The following STK33 variants were observed in gnomAD, a reference collection of about 807,000 sequenced individuals.
STK33 encodes the protein serine/threonine-protein kinase 33.
Under a neutral mutation model 58.0 loss-of-function variants are expected in STK33, and 52 were observed. That is an observed-to-expected ratio of 0.90 (90% CI 0.72 to 1.13). The LOEUF is 1.13. STK33 is among the 50% of genes most tolerant of loss of function. The probability of loss-of-function intolerance (pLI) is 0.00; values close to 1 mark genes in which losing one functional copy is unlikely to be tolerated. For missense variants in STK33, 630 were observed against 604.2 expected (o/e 1.04, Z -0.45); for synonymous variants, 215 against 200.1 (o/e 1.07, Z -0.63).
At chr11:8,576,080 GCTGTGC>G (rs1304505944) in intron 1 of STK33, among the ~76,000 whole-genome samples, 1 of 152,234 alleles carries the variant, frequency 6.6e-6, no homozygotes, top group African/African-American at 2.4e-5. Context: ...TTTACAGGAT[GCTGTGC>G]CAGAGGGCAG....
At chr11:8,344,198 A>AAACACACACAC in the STK33 span, among the ~76,000 whole-genome samples, 1 of 137,118 alleles carries the variant, frequency 7.3e-6, no homozygotes, top group Non-Finnish European at 1.6e-5. Context: ...AAACAAACAA[A>AAACACACACAC]ACACACACAC....
rs1200422787 is a variant in STK33, at chr11:8,499,130, T to G, written c.-465-18516A>C. On this transcript the variant is annotated intron_variant, in intron 1 of 15. Coordinates refer to ENST00000687296, the MANE Select transcript of STK33 (RefSeq NM_001352389.2). ...TTCTGCACAGCAAAAGAAACTATCC[T>G]CAGAGTGAACAGGCAACCTACAGAA... Among the ~76,000 whole-genome samples, 5 of 152,208 alleles carry G rather than the reference T, an allele frequency of 3.3e-5. No individual in the cohort carries two copies. The East Asian group carries it at 7.7e-4, about 23-fold the overall frequency.
chr11:8,419,962 T>C (rs1258321525), intron 14 of STK33, among the ~76,000 whole-genome samples: 4 of 152,128 alleles, frequency 2.6e-5, no homozygotes, highest in Non-Finnish European at 5.9e-5. Flanking sequence ...AATTATTACC[T>C]TAATTTATTT....
intron 1 of STK33, among the ~76,000 whole-genome samples, chr11:8,524,191 G>A (rs1054576394): frequency 6.6e-6 from 1 of 152,018 alleles, no homozygotes; most frequent in African/African-American, 2.4e-5. Flanking sequence ...AAGGCCGCAG[G>A]GTCCTCTGCC....
intron 1 of STK33, among the ~76,000 whole-genome samples, chr11:8,573,803 G>GA (rs1957989094): frequency 6.6e-6 from 1 of 152,156 alleles, no homozygotes; most frequent in African/African-American, 2.4e-5. Context: ...TATGCTGAGT[G>GA]AAAAAAGCCA....
At chr11:8,473,864 C>T (rs766386192) in intron 5 of STK33, among the ~76,000 whole-genome samples, 1 of 152,288 alleles carries the variant, frequency 6.6e-6, no homozygotes, top group East Asian at 1.9e-4. Context: ...ATCTTACACA[C>T]TGCCTATTCT....
At chr11:8,570,708 C>T (rs958631779) in intron 1 of STK33, among the ~76,000 whole-genome samples, 1 of 151,930 alleles carries the variant, frequency 6.6e-6, no homozygotes, top group African/African-American at 2.4e-5. Flanking sequence ...AGAGGAGGGC[C>T]GAGAGAGGCA....
the STK33 span, among the ~76,000 whole-genome samples, chr11:8,370,974 G>A: frequency 3.3e-5 from 5 of 152,154 alleles, no homozygotes; most frequent in East Asian, 5.8e-4. Context: ...TGGAAGGAGC[G>A]GGGCTGTTTG....
the STK33 span, among the ~76,000 whole-genome samples, chr11:8,357,332 C>T: frequency 1.3e-5 from 2 of 152,356 alleles, no homozygotes; most frequent in South Asian, 4.1e-4. Flanking sequence ...CAGCAGCCCG[C>T]GGAGCCAGGA....
At chr11:8,459,865 A>ATTC (rs1270795031) in intron 8 of STK33, among the ~76,000 whole-genome samples, 6 of 152,198 alleles carry the variant, frequency 3.9e-5, no homozygotes, top group Non-Finnish European at 8.8e-5. Context: ...GTATGAGGAA[A>ATTC]CTACCCAAAG....
chr11:8,497,244 A>G (rs574211835), intron 1 of STK33, among the ~76,000 whole-genome samples: 1 of 152,316 alleles, frequency 6.6e-6, no homozygotes, highest in Non-Finnish European at 1.5e-5. Flanking sequence ...CTGCACATCC[A>G]AGAAGCTCAA....
intron 1 of STK33, among the ~76,000 whole-genome samples, chr11:8,529,879 C>T (rs1954377268): frequency 6.6e-6 from 1 of 152,166 alleles, no homozygotes; most frequent in African/African-American, 2.4e-5. Context: ...ACCTCCAAAA[C>T]AATAAGATAA....
chr11:8,357,396 G>A, the STK33 span, among the ~76,000 whole-genome samples: 6 of 152,370 alleles, frequency 3.9e-5, no homozygotes, highest in Middle Eastern at 3.4e-3. Flanking sequence ...GGAGCTGGTC[G>A]CAGCCCCGCG....
intron 10 of STK33, among the ~76,000 whole-genome samples, chr11:8,453,220 A>C (rs1053742849): frequency 6.6e-6 from 1 of 152,200 alleles, no homozygotes; most frequent in African/African-American, 2.4e-5. Flanking sequence ...TCTTTTTCAT[A>C]TAAAAAAGGT....
intron 11 of STK33, among the ~76,000 whole-genome samples, chr11:8,448,241 C>A (rs894260459): frequency 1.3e-5 from 2 of 152,120 alleles, no homozygotes; most frequent in Non-Finnish European, 2.9e-5. Context: ...CCATCCCCAT[C>A]AAGCTACCAA....
chr11:8,583,425 G>A (rs746275837), intron 1 of STK33, among the ~76,000 whole-genome samples: 4 of 152,146 alleles, frequency 2.6e-5, no homozygotes, highest in Non-Finnish European at 5.9e-5. Flanking sequence ...TGTAGGAAAG[G>A]ATCAAACTCA....
chr11:8,538,226 A>C (rs1023399542), intron 1 of STK33, among the ~76,000 whole-genome samples: 2 of 152,198 alleles, frequency 1.3e-5, no homozygotes, highest in Non-Finnish European at 2.9e-5. Flanking sequence ...CTAATACTTA[A>C]ATAGCATGAT....
intron 1 of STK33, among the ~76,000 whole-genome samples, chr11:8,509,933 T>A (rs1952175248): frequency 1.3e-5 from 2 of 152,232 alleles, no homozygotes; most frequent in Admixed American, 6.5e-5. Context: ...TGGTTCCATA[T>A]TTTTGCAATT....
intron 15 of STK33, among the ~76,000 whole-genome samples, chr11:8,409,775 T>C (rs1339561075): frequency 6.6e-6 from 1 of 152,180 alleles, no homozygotes; most frequent in African/African-American, 2.4e-5. Flanking sequence ...AATATAATAA[T>C]GAAAGCATTA....
Sources: gnomAD v4.1 joint callset for allele counts (sites outside exome capture counted in the v4.1 genomes callset) on GRCh38, gnomAD v4.1.1 for gene constraint, MANE v1.5 for transcripts, NCBI Gene and HGNC (gene_info 2026-07-23, HGNC 2026-07-21) for gene names.